The following B4GALT6 variants were observed in gnomAD, a reference collection of about 807,000 sequenced individuals.
B4GALT6 encodes the protein beta-1,4-galactosyltransferase 6, also known as UDP-Gal:beta-GlcNAc beta-1,4-galactosyltransferase 6.
B4GALT6 carries 14 observed loss-of-function variants against 46.3 expected under a neutral mutation model. The ratio of observed to expected loss-of-function variants is 0.30; its 90% confidence interval spans 0.20 to 0.47. The LOEUF (loss-of-function observed/expected upper bound fraction) is 0.47, where lower values mean the gene tolerates loss of function less well. B4GALT6 is among the 20% of genes least tolerant of loss of function. The probability of loss-of-function intolerance (pLI) is 0.99; values close to 1 mark genes in which losing one functional copy is unlikely to be tolerated. For missense variants in B4GALT6, 386 were observed against 480.1 expected (o/e 0.80, Z 1.83); for synonymous variants, 168 against 162.0 (o/e 1.04, Z -0.28).
Position 31,622,699 on chromosome 18 carries a change from T to C in B4GALT6, c.*2915A>G, listed in dbSNP as rs546207991. ...ATACATAACTGTATCTACTTAATAT[T>C]ATAAAGTTTTCTTACTGAATAACTT... On this transcript the variant is annotated 3_prime_UTR_variant, in exon 9 of 9. Transcript: ENST00000306851. 4 of 152,164 alleles carry C rather than the reference T, an allele frequency of 2.6e-5. No homozygotes were observed. The East Asian group carries it at 5.8e-4, about 22-fold the overall frequency. The allele number at this position is 152,164 out of a possible 1,614,324, so 9.4% of individuals were successfully genotyped here. A position where few individuals can be genotyped will look rare whatever the true frequency, so the allele number is the denominator to read the frequency against.
At chr18:31,627,939 C>G (rs186507398) in intron 6 of B4GALT6, among the ~76,000 whole-genome samples, 1 of 152,178 alleles carries the variant, frequency 6.6e-6, no homozygotes, top group East Asian at 1.9e-4. Context: ...GCAGAGAAAA[C>G]GTGACCATGC....
At chr18:31,666,835 G>C (rs1174693974) in intron 1 of B4GALT6, among the ~76,000 whole-genome samples, 1 of 151,986 alleles carries the variant, frequency 6.6e-6, no homozygotes, top group Non-Finnish European at 1.5e-5. Flanking sequence ...ATCTTGCAAT[G>C]GTCCTGAAAA....
At chr18:31,720,949 T>C in the B4GALT6 span, among the ~76,000 whole-genome samples, 2 of 152,314 alleles carry the variant, frequency 1.3e-5, no homozygotes. Context: ...GTATACATCA[T>C]TTGTTTTCAA....
chr18:31,672,582 C>T (rs1404040934), intron 1 of B4GALT6, among the ~76,000 whole-genome samples: 1 of 152,172 alleles, frequency 6.6e-6, no homozygotes, highest in Non-Finnish European at 1.5e-5. Flanking sequence ...ACGTGAAATG[C>T]TGCAGATGCT....
chr18:31,663,245 A>G (rs1290205424), intron 2 of B4GALT6, among the ~76,000 whole-genome samples: 2 of 152,198 alleles, frequency 1.3e-5, no homozygotes, highest in African/African-American at 4.8e-5. Flanking sequence ...AGGTGTTAGA[A>G]ACCGATGAGA....
At chr18:31,678,062 C>A (rs981509805) in intron 1 of B4GALT6, among the ~76,000 whole-genome samples, 2 of 152,126 alleles carry the variant, frequency 1.3e-5, no homozygotes, top group African/African-American at 4.8e-5. Context: ...GTGTGGGTGG[C>A]GGACAGGTAG....
intron 4 of B4GALT6, among the ~76,000 whole-genome samples, chr18:31,643,786 T>C (rs985398869): frequency 2.0e-5 from 3 of 152,042 alleles, no homozygotes; most frequent in African/African-American, 4.8e-5. Context: ...AGGAGAAAAA[T>C]ACTTCATTTT....
intron 2 of B4GALT6, among the ~76,000 whole-genome samples, chr18:31,662,960 T>C (rs2074237000): frequency 6.6e-6 from 1 of 152,236 alleles, no homozygotes; most frequent in African/African-American, 2.4e-5. Context: ...TAAAAGGTTA[T>C]GTATGACAGA....
intron 1 of B4GALT6, among the ~76,000 whole-genome samples, chr18:31,681,574 C>A (rs2144750081): frequency 6.6e-6 from 1 of 152,234 alleles, no homozygotes; most frequent in East Asian, 1.9e-4. Flanking sequence ...CCCAAATAGT[C>A]CAGAAATAGA....
At chr18:31,684,939 G>T (rs2074528431), upstream of B4GALT6, among the ~76,000 whole-genome samples, 1 of 148,834 alleles carries the variant, frequency 6.7e-6, no homozygotes, top group African/African-American at 2.4e-5. Flanking sequence ...GCCCTGCGCC[G>T]CCTCCTACTC....
At chr18:31,696,024 T>A in the B4GALT6 span, among the ~76,000 whole-genome samples, 68,656 of 152,186 alleles carry the variant, frequency 0.45, 18,131 homozygotes, top group South Asian at 0.67. Flanking sequence ...TCGATTTTTT[T>A]AAAACTTCAA....
At chr18:31,651,336 A>G (rs1487715265) in intron 3 of B4GALT6, among the ~76,000 whole-genome samples, 2 of 152,184 alleles carry the variant, frequency 1.3e-5, no homozygotes, top group African/African-American at 4.8e-5. Context: ...TATTGCCTCA[A>G]GCATAGTAAG....
intron 4 of B4GALT6, among the ~76,000 whole-genome samples, chr18:31,643,682 G>A (rs2073957304): frequency 6.6e-6 from 1 of 152,152 alleles, no homozygotes; most frequent in African/African-American, 2.4e-5. Context: ...ATATCTTTAA[G>A]TAGGAAATAC....
chr18:31,650,800 G>A (rs538228711), intron 3 of B4GALT6, among the ~76,000 whole-genome samples: 8 of 151,950 alleles, frequency 5.3e-5, no homozygotes, highest in African/African-American at 7.2e-5. Flanking sequence ...ACGGAGTCTC[G>A]CTCTGTCACC....
In B4GALT6 at chr18:31,623,817, A is replaced by C. The variant is rs1437882488; in HGVS notation, c.*1797T>G. Reference sequence around the variant, plus strand: ...TAGTTTGTGGTCATTTGTGTTATCAATATTGCCATAAAAATGACACTTCAA... The same window carrying C: ...TAGTTTGTGGTCATTTGTGTTATCACTATTGCCATAAAAATGACACTTCAA... On this transcript the variant is annotated 3_prime_UTR_variant, in exon 9 of 9. Transcript: ENST00000306851. 8 of 152,114 alleles carry C rather than the reference A, an allele frequency of 5.3e-5. No homozygotes were observed. The East Asian group carries it at 1.5e-3, about 29-fold the overall frequency. The allele number at this position is 152,114 out of a possible 1,614,324, so 9.4% of individuals were successfully genotyped here. A position where few individuals can be genotyped will look rare whatever the true frequency, so the allele number is the denominator to read the frequency against.
At chr18:31,699,650 A>C in the B4GALT6 span, among the ~76,000 whole-genome samples, 49 of 151,046 alleles carry the variant, frequency 3.2e-4, no homozygotes, top group Non-Finnish European at 6.5e-4. Flanking sequence ...AAAAAAAAAA[A>C]AAAAAAAACC....
Position 31,657,843 on chromosome 18 carries a change from T to C in B4GALT6, c.346+133A>G, listed in dbSNP as rs1008864559. 7.5e-6 allele frequency: 4 copies of C among 536,816 alleles called. No individual in the cohort carries two copies. The African/African-American group carries it at 7.8e-5, about 10-fold the overall frequency. The allele number at this position is 536,816 out of a possible 1,614,324, so 33.3% of individuals were successfully genotyped here. A position where few individuals can be genotyped will look rare whatever the true frequency, so the allele number is the denominator to read the frequency against. On this transcript the variant is annotated intron_variant, in intron 3 of 8. Transcript: ENST00000306851. ...ATAAATAAATAAATAAAAGTTCAAA[T>C]AACATGCTGCATAATATAAACATTT... is the stretch of plus-strand genomic sequence containing the variant.
At chr18:31,700,523 C>T in the B4GALT6 span, among the ~76,000 whole-genome samples, 1 of 151,806 alleles carries the variant, frequency 6.6e-6, no homozygotes, top group Non-Finnish European at 1.5e-5. Context: ...GTGGCACAAT[C>T]TCAGCTCACT....
chr18:31,665,603 G>A (rs888861306), intron 2 of B4GALT6, among the ~76,000 whole-genome samples: 10 of 152,102 alleles, frequency 6.6e-5, no homozygotes, highest in Admixed American at 1.3e-4. Context: ...TTAGCCGGGC[G>A]TGGTGATGGG....
Sources: allele counts gnomAD v4.1 joint callset (sites outside exome capture counted in the v4.1 genomes callset), GRCh38; gene constraint gnomAD v4.1.1; transcripts MANE v1.5; gene names NCBI Gene and HGNC (gene_info 2026-07-23, HGNC 2026-07-21).